MYO3B: variants seen among roughly 807,000 people sequenced by gnomAD.
MYO3B encodes myosin IIIB, also known as myosin-IIIb.
In MYO3B, 156 loss-of-function variants were observed where a neutral mutation model predicts 174.6. The observed-to-expected ratio is 0.89, with a 90% confidence interval of 0.78 to 1.02. The LOEUF is 1.02. Ranked by LOEUF, MYO3B falls within the 50% of genes least tolerant of loss-of-function variation. The probability of loss-of-function intolerance (pLI) is 0.00; values close to 1 mark genes in which losing one functional copy is unlikely to be tolerated. For synonymous variants in MYO3B, 563 were observed against 569.1 expected (o/e 0.99, Z 0.15); for missense variants, 1,632 against 1,639.4 (o/e 1.00, Z 0.08).
intron 32 of MYO3B, among the ~76,000 whole-genome samples, chr2:170,599,571 AC>A (rs1466141349): frequency 5.3e-5 from 8 of 152,172 alleles, no homozygotes; most frequent in African/African-American, 1.7e-4. Context: ...ACATGGTGAA[AC>A]CCCATCTCTA....
chr2:170,216,518 T>C (rs1016806978), intron 5 of MYO3B, among the ~76,000 whole-genome samples: 1 of 152,218 alleles, frequency 6.6e-6, no homozygotes, highest in Non-Finnish European at 1.5e-5. Flanking sequence ...TGTGGACCTT[T>C]ACGCTCTCGT....
At chr2:170,362,605 C>T (rs770618276) in intron 8 of MYO3B, among the ~76,000 whole-genome samples, 3 of 152,166 alleles carry the variant, frequency 2.0e-5, no homozygotes, top group Non-Finnish European at 4.4e-5. Context: ...GACTATTCTC[C>T]TCTGATTGAT....
rs1209162404 is a variant in MYO3B at position 170,236,241 on chromosome 2, G to A, written c.749+105G>A. On this transcript the variant is annotated intron_variant, in intron 7 of 34. Coordinates refer to ENST00000408978, the MANE Select transcript of MYO3B (RefSeq NM_138995.5). ...GCAATTTCTCTCCAAACCTGACAAA[G>A]CCTGATTGTGAAATATATTTTCTTT... The A allele has an allele frequency of 2.8e-6, 4 of 1,446,594 alleles. No homozygotes were observed. The East Asian group carries it at 7.0e-5, about 25-fold the overall frequency. 89.6% of individuals were successfully genotyped at this position (1,446,594 alleles called of 1,614,324 possible).
chr2:170,533,739 G>A (rs1250993275), intron 30 of MYO3B, among the ~76,000 whole-genome samples: 1 of 152,134 alleles, frequency 6.6e-6, no homozygotes. Flanking sequence ...TAACCACATT[G>A]TTAAGTATGT....
At chr2:170,597,760 A>G (rs1694246954) in intron 32 of MYO3B, among the ~76,000 whole-genome samples, 1 of 152,228 alleles carries the variant, frequency 6.6e-6, no homozygotes, top group East Asian at 1.9e-4. Flanking sequence ...AATAATATCT[A>G]TTATTAGTGC....
chr2:170,281,122 T>C (rs2093505914), intron 7 of MYO3B, among the ~76,000 whole-genome samples: 1 of 152,216 alleles, frequency 6.6e-6, no homozygotes, highest in Admixed American at 6.5e-5. Context: ...GGGATGTTTT[T>C]CCATTTATTT....
chr2:170,485,035 T>A (rs1685945205), intron 25 of MYO3B, among the ~76,000 whole-genome samples: 1 of 152,112 alleles, frequency 6.6e-6, no homozygotes, highest in South Asian at 2.1e-4. Context: ...TGGTCATTGA[T>A]ATACATTGAG....
chr2:170,581,148 G>A (rs1693121819), intron 32 of MYO3B, among the ~76,000 whole-genome samples: 1 of 152,078 alleles, frequency 6.6e-6, no homozygotes, highest in African/African-American at 2.4e-5. Flanking sequence ...GCAGACTGAT[G>A]AACCTTCCTT....
intron 22 of MYO3B, among the ~76,000 whole-genome samples, chr2:170,427,835 C>A (rs2094677101): frequency 6.6e-6 from 1 of 152,068 alleles, no homozygotes; most frequent in African/African-American, 2.4e-5. Flanking sequence ...TCAAAAGCTA[C>A]CCTTGAGTAC....
At chr2:170,208,653 C>T (rs905671645) in intron 3 of MYO3B, among the ~76,000 whole-genome samples, 2 of 152,112 alleles carry the variant, frequency 1.3e-5, no homozygotes, top group African/African-American at 4.8e-5. Flanking sequence ...TTAAAAACAA[C>T]TAATGAGTCT....
chr2:170,492,804 C>T (rs766816033), intron 25 of MYO3B, among the ~76,000 whole-genome samples: 19 of 152,276 alleles, frequency 1.2e-4, no homozygotes, highest in Non-Finnish European at 5.9e-5. Context: ...AATGTTTGGT[C>T]GTTACAGTTT....
chr2:170,292,106 G>A (rs10180981), intron 7 of MYO3B, among the ~76,000 whole-genome samples: 101,832 of 151,862 alleles, frequency 0.67, 34,317 homozygotes, highest in Admixed American at 0.73. Context: ...CTTGTAGTTG[G>A]TTTTCTTTCC....
chr2:170,584,653 C>G (rs2106310823), intron 32 of MYO3B, among the ~76,000 whole-genome samples: 1 of 152,338 alleles, frequency 6.6e-6, no homozygotes, highest in African/African-American at 2.4e-5. Context: ...ACCTTTCGCA[C>G]TTGTTAACGT....
intron 7 of MYO3B, among the ~76,000 whole-genome samples, chr2:170,247,383 T>C (rs2093203136): frequency 6.6e-6 from 1 of 152,276 alleles, no homozygotes. Flanking sequence ...ATCTGCTTCT[T>C]ATGTCTCAAA....
intron 32 of MYO3B, among the ~76,000 whole-genome samples, chr2:170,618,296 G>C (rs1347444345): frequency 6.6e-6 from 1 of 152,158 alleles, no homozygotes; most frequent in East Asian, 1.9e-4. Context: ...GGCCCAATAT[G>C]TATAGTTTTT....
chr2:170,186,198 T>G (rs1005966208), intron 1 of MYO3B, among the ~76,000 whole-genome samples: 2 of 152,232 alleles, frequency 1.3e-5, no homozygotes, highest in African/African-American at 4.8e-5. Flanking sequence ...TGGGCATCCT[T>G]GTCATATTCC....
In MYO3B at chr2:170,206,110, C is replaced by T. The variant is rs1022396445; in HGVS notation, c.321+5826C>T. 6.6e-6 allele frequency among the ~76,000 whole-genome samples: 1 copy of T among 152,120 alleles called. No homozygotes were observed. Among genetic ancestry groups the T allele is most frequent in the South Asian group, 2.1e-4 (1 of 4,816 alleles). On this transcript the variant is annotated intron_variant, in intron 3 of 34. Transcript: ENST00000408978. This position sits in a 1 kb window ranked among gnomAD's most constrained non-coding sequence, Gnocchi z 4.3. ...GTAGTAGAGTATTTAGAACTCATCA[C>T]ACACATGTACCCTCACATGCACATT...
intron 9 of MYO3B, among the ~76,000 whole-genome samples, chr2:170,371,108 C>T (rs111996854): frequency 0.014 from 2,157 of 150,468 alleles, 19 homozygotes; most frequent in Non-Finnish European, 0.023. Flanking sequence ...ATCCCAGCTG[C>T]TCGGGAGGCT....
At chr2:170,602,085 CCT>C in intron 32 of MYO3B, 1 of 1,137,766 alleles carries the variant, frequency 8.8e-7, no homozygotes, top group Non-Finnish European at 1.3e-6. Context: ...TGGCCTTCCA[CCT>C]CTCTGAGCAC....
Sources: allele counts gnomAD v4.1 joint callset (sites outside exome capture counted in the v4.1 genomes callset), GRCh38; gene constraint gnomAD v4.1.1; non-coding constraint Gnocchi (gnomAD v3.1); transcripts MANE v1.5; gene names NCBI Gene and HGNC (gene_info 2026-07-23, HGNC 2026-07-21).